ERFL: variants seen among roughly 807,000 people sequenced by gnomAD.
ERFL encodes ETS domain-containing transcription factor ERF-like.
ERFL carries 8 observed loss-of-function variants against 27.9 expected under a neutral mutation model. That is an observed-to-expected ratio of 0.29 (90% CI 0.17 to 0.52). The LOEUF is 0.52. ERFL is among the 20% of genes least tolerant of loss of function. ERFL has a pLI of 0.97. For synonymous variants in ERFL, 174 were observed against 202.8 expected, an observed-to-expected ratio of 0.86 and a Z score of 1.21; for missense variants, 294 against 444.4, an observed-to-expected ratio of 0.66 and a Z score of 3.04.
intron 1 of ERFL, among the ~76,000 whole-genome samples, 165 bp downstream of exon 1, chr19:41,927,875 A>T (rs1599683426): frequency 6.8e-6 from 1 of 147,338 alleles, no homozygotes; most frequent in Admixed American, 6.7e-5. Context: ...GCGCTGCCCC[A>T]CCTGCCCCTT....
At chr19:41,914,553 C>G (rs1160502612) in intron 1 of ERFL, among the ~76,000 whole-genome samples, 1 of 121,758 alleles carries the variant, frequency 8.2e-6, no homozygotes, top group Non-Finnish European at 1.8e-5. Context: ...TCTTTCCCTC[C>G]CCTTCCACCA....
In ERFL at chr19:41,909,110, G is replaced by A; in HGVS notation, c.566C>T (p.Ser189Phe). ...GTCCAGACGCAATTTATCTGTCTCG[G>A]AGGTGAACAGGGGTGTCCGGGCCCC... ...EPGARTPLFTSETDKLRLDSP... is the reference protein window; with the variant it reads ...EPGARTPLFTFETDKLRLDSP... The change falls in exon 5 of 6, where the codon TCC (serine) becomes TTC (phenylalanine). Residue 189 changes from serine to phenylalanine, a missense_variant. Physicochemically the swap from Ser to Phe is radical, Grantham distance 155 (BLOSUM62 -2). Transcript: ENST00000597630. The surrounding 1 kb of genome is among the most constrained non-coding windows in gnomAD (Gnocchi z 5.2). 2 of 1,231,928 alleles carry A rather than the reference G, an allele frequency of 1.6e-6. No homozygotes were observed. Among genetic ancestry groups the A allele is most frequent in the Non-Finnish European group, 2.0e-6 (2 of 988,124 alleles). The allele number at this position is 1,231,928 out of a possible 1,614,324, so 76.3% of individuals were successfully genotyped here.
intron 1 of ERFL, among the ~76,000 whole-genome samples, chr19:41,922,544 G>A (rs1268481670): frequency 6.6e-6 from 1 of 152,164 alleles, no homozygotes; most frequent in African/African-American, 2.4e-5. Context: ...GAGAAATGGG[G>A]TCAAAGACCC....
chr19:41,922,819 G>A (rs1395762853), intron 1 of ERFL, among the ~76,000 whole-genome samples: 1 of 152,216 alleles, frequency 6.6e-6, no homozygotes, highest in Non-Finnish European at 1.5e-5. Context: ...ATAAATTATT[G>A]TGACAAGATG....
At chr19:41,926,573 C>G (rs111606567) in intron 1 of ERFL, among the ~76,000 whole-genome samples, 32 of 152,278 alleles carry the variant, frequency 2.1e-4, no homozygotes, top group African/African-American at 7.2e-4. Flanking sequence ...CTCTCGGGTC[C>G]CTCCCGTGGC....
intron 1 of ERFL, among the ~76,000 whole-genome samples, chr19:41,926,886 G>A (rs2074874650): frequency 1.3e-5 from 2 of 152,288 alleles, no homozygotes; most frequent in East Asian, 1.9e-4. Flanking sequence ...GCGAGGGGGA[G>A]ACAGAGACAG....
chr19:41,910,445 G>A lies in ERFL; in HGVS notation c.68-348C>T, dbSNP rs781799764. Among the ~76,000 whole-genome samples the A allele has an allele frequency of 2.6e-5, 4 of 152,062 alleles. No homozygotes were observed. Among genetic ancestry groups the A allele is most frequent in the African/African-American group, 9.7e-5 (4 of 41,376 alleles). On this transcript the variant is annotated intron_variant, in intron 2 of 5. Transcript: ENST00000597630. This position sits in a 1 kb window ranked among gnomAD's most constrained non-coding sequence, Gnocchi z 4.4. ...GGGAGGGGCACCCGCCTCCAACAGC[G>A]TTAGTCCTCTCACTGCCCCCAGCCA...
At chr19:41,915,232 AG>A (rs2074793402) in intron 1 of ERFL, among the ~76,000 whole-genome samples, 1 of 145,106 alleles carries the variant, frequency 6.9e-6, no homozygotes, top group Non-Finnish European at 1.5e-5. Flanking sequence ...CGTTATAACG[AG>A]GAGCCGTGGG....
rs1555851192 is a variant in ERFL at position 41,910,959 on chromosome 19, C to G, written c.68-862G>C. On this transcript the variant is annotated intron_variant, in intron 2 of 5. Transcript: ENST00000597630. The surrounding 1 kb of genome is among the most constrained non-coding windows in gnomAD (Gnocchi z 4.4). ...AGAATTACACATCTCAAGACTGGGA[C>G]TTACTAACAACACAAATGCCTGACA... 6.6e-6 allele frequency among the ~76,000 whole-genome samples: 1 copy of G among 152,172 alleles called. No individual in the cohort carries two copies.
rs2074743216 is a variant in ERFL at position 41,909,971 on chromosome 19, C to T, written c.194G>A (p.Gly65Glu). 2 of 1,613,910 alleles carry T rather than the reference C, an allele frequency of 1.2e-6. No individual in the cohort carries two copies. Among genetic ancestry groups the T allele is most frequent in the Non-Finnish European group, 1.7e-6 (2 of 1,179,972 alleles). Residue 65 changes from glycine to glutamate, a missense_variant, in exon 3 of 6, where the codon GGG becomes GAG. By Grantham distance (98) the Gly-to-Glu change is moderately conservative (BLOSUM62 -2). Transcript: ENST00000597630. The surrounding 1 kb of genome is among the most constrained non-coding windows in gnomAD (Gnocchi z 5.2). ...TTTGATGACGAATTCCCCGTAGTCC[C>T]CCTGCCAGGCTATGACGCCCTGGTA... ...EEYQGVIAWQ[G>E]DYGEFVIKDP... is the part of the protein sequence containing the mutation.
chr19:41,910,824 G>A lies in ERFL; in HGVS notation c.68-727C>T, dbSNP rs1352619311. 6.6e-6 allele frequency among the ~76,000 whole-genome samples: 1 copy of A among 152,138 alleles called. No individual in the cohort carries two copies. The highest frequency in any genetic ancestry group is 6.5e-5 in the Admixed American group (1 of 15,284). On this transcript the variant is annotated intron_variant, in intron 2 of 5. Transcript: ENST00000597630. The surrounding 1 kb of genome is among the most constrained non-coding windows in gnomAD (Gnocchi z 4.4). ...CACACTGGGACACAGGCACACCGGA[G>A]TGCCACACTCATGCTGGGGGCCACC...
Position 41,909,312 on chromosome 19 carries a change from C to T in ERFL, c.462G>A (p.Gly154=), listed in dbSNP as rs1277749627. ...GGGGAGGAGCATCTGGCCCTGGGGC[C>T]CCCCCAAAGGGACTGGGGGTCAGCA... ...PLLLTPSPFG[G]APGPDAPPLT... Residue 154 remains glycine (G), a synonymous_variant, in exon 4 of 6, where the codon GGG becomes GGA. Transcript: ENST00000597630. The surrounding 1 kb of genome is among the most constrained non-coding windows in gnomAD (Gnocchi z 5.2). 1.6e-6 allele frequency: 2 copies of T among 1,234,652 alleles called. No individual in the cohort carries two copies. Among genetic ancestry groups the T allele is most frequent in the East Asian group, 3.2e-5 (1 of 31,728 alleles). 76.5% of individuals were successfully genotyped at this position (1,234,652 alleles called of 1,614,324 possible). A position where few individuals can be genotyped will look rare whatever the true frequency, so the allele number is the denominator to read the frequency against.
intron 1 of ERFL, chr19:41,923,131 A>C (rs558771265): frequency 1.6e-4 from 74 of 456,350 alleles, no homozygotes; most frequent in Non-Finnish European, 3.0e-4. Context: ...AGGAACTGCC[A>C]TGATGGATGC....
At chr19:41,914,014 G>GC (rs1410577082) in intron 1 of ERFL, among the ~76,000 whole-genome samples, 2 of 138,408 alleles carry the variant, frequency 1.4e-5, no homozygotes, top group Non-Finnish European at 3.1e-5. Context: ...GCTCCCATGC[G>GC]CCCCCCAGCC....
rs931311656 is a variant in ERFL, at chr19:41,921,165, G to A, written c.-14+6875C>T. On this transcript the variant is annotated intron_variant, in intron 1 of 5. Transcript: ENST00000597630. The surrounding 1 kb of genome is among the most constrained non-coding windows in gnomAD (Gnocchi z 4.4). Reference sequence around the variant, plus strand: ...TGGAGGCGCCACCGTGAGGCGAGGCGGAGGGAGGTCTGGCTGCTCCCCAAC... The same window carrying A: ...TGGAGGCGCCACCGTGAGGCGAGGCAGAGGGAGGTCTGGCTGCTCCCCAAC... 1.3e-5 allele frequency among the ~76,000 whole-genome samples: 2 copies of A among 152,192 alleles called. No individual in the cohort carries two copies. The highest frequency in any genetic ancestry group is 2.9e-5 in the Non-Finnish European group (2 of 68,030).
intron 1 of ERFL, among the ~76,000 whole-genome samples, chr19:41,915,400 G>A (rs781803495): frequency 1.4e-4 from 21 of 151,354 alleles, no homozygotes; most frequent in South Asian, 2.1e-4. Flanking sequence ...CCCTGTCCCC[G>A]TCCGTCTGTC....
intron 1 of ERFL, 31 bp from the exon 2 acceptor site, chr19:41,912,963 G>A (rs1393335320): frequency 7.6e-6 from 8 of 1,049,790 alleles, no homozygotes; most frequent in Non-Finnish European, 9.7e-6. Context: ...ACACGGGGAC[G>A]GGGTGGGCAG....
At position 41,908,553 on chromosome 19, in the gene ERFL, TAG is replaced by T; in HGVS notation, c.738_739del (p.Tyr247ProfsTer85). ...AGGGTTGGGGTAGAAATGCGGGGGG[TAG>T]AGAGAGGGAGGCAGCTTGGGGAAGG... is the stretch of plus-strand genomic sequence containing the variant. On this transcript the variant is annotated frameshift_variant, in exon 6 of 6. Coordinates refer to ENST00000597630, the MANE Select transcript of ERFL (RefSeq NM_001365103.2). LOFTEE classifies it high-confidence loss of function. This position sits in a 1 kb window ranked among gnomAD's most constrained non-coding sequence, Gnocchi z 6.7. 1 of 1,228,866 alleles carries T rather than the reference TAG, an allele frequency of 8.1e-7. No individual in the cohort carries two copies. Among genetic ancestry groups the T allele is most frequent in the Non-Finnish European group, 1.0e-6 (1 of 987,210 alleles). The allele number at this position is 1,228,866 out of a possible 1,614,324, so 76.1% of individuals were successfully genotyped here.
In ERFL at chr19:41,921,485, G is replaced by A. The variant is rs1305538887; in HGVS notation, c.-14+6555C>T. ...AGACTGGGAGCCACATGCACACGCA[G>A]AGAGAAGAGAGAGACAGAGACAGAG... On this transcript the variant is annotated intron_variant, in intron 1 of 5. Coordinates refer to ENST00000597630, the MANE Select transcript of ERFL (RefSeq NM_001365103.2). The surrounding 1 kb of genome is among the most constrained non-coding windows in gnomAD (Gnocchi z 4.4). Among the ~76,000 whole-genome samples the A allele has an allele frequency of 2.0e-5, 3 of 152,194 alleles. No homozygotes were observed. Among genetic ancestry groups the A allele is most frequent in the Admixed American group, 6.5e-5 (1 of 15,296 alleles).
Sources: gnomAD v4.1 joint callset for allele counts (sites outside exome capture counted in the v4.1 genomes callset) on GRCh38, gnomAD v4.1.1 for gene constraint, Gnocchi (gnomAD v3.1) non-coding constraint, MANE v1.5 for transcripts, NCBI Gene and HGNC (gene_info 2026-07-23, HGNC 2026-07-21) for gene names.